The following COL9A3 variants were observed in gnomAD, a reference collection of about 807,000 sequenced individuals.
COL9A3 encodes the protein collagen type IX alpha 3 chain, also known as collagen alpha-3(IX) chain.
Under a neutral mutation model 110.2 loss-of-function variants are expected in COL9A3, and 82 were observed. The observed-to-expected ratio is 0.74, with a 90% confidence interval of 0.62 to 0.89. The LOEUF is 0.89. Ranked by LOEUF, COL9A3 falls within the 40% of genes least tolerant of loss-of-function variation. COL9A3 has a pLI of 0.00. For synonymous variants in COL9A3, 494 were observed against 403.8 expected, an observed-to-expected ratio of 1.22 and a Z score of -2.68; for missense variants, 1,066 against 981.3, an observed-to-expected ratio of 1.09 and a Z score of -1.15.
At chr20:62,835,794 C>T in intron 26 of COL9A3, 127 bp from the exon 27 acceptor site, 1 of 933,760 alleles carries the variant, frequency 1.1e-6, no homozygotes, top group East Asian at 2.4e-5. Context: ...GAAGGAACCA[C>T]TGTCAATATT....
At chr20:62,816,943 G>C (rs1600784239), upstream of COL9A3, 22 of 503,430 alleles carry the variant, frequency 4.4e-5, 2 homozygotes, top group South Asian at 1.8e-3. Flanking sequence ...AGGTGGGCCC[G>C]GCTGAATGGG....
chr20:62,829,468 G>A lies in COL9A3; in HGVS notation c.1022G>A (p.Arg341Gln), dbSNP rs1188675315. Reference sequence around the variant, plus strand: ...CTCTCCTGGCAGGGCCTCCCTGGACGAGCGGGGTCCAAAGGCGAGAAGGGA... The same window carrying A: ...CTCTCCTGGCAGGGCCTCCCTGGACAAGCGGGGTCCAAAGGCGAGAAGGGA... ...GPNGLPGLPG[R>Q]AGSKGEKGER... Residue 341 changes from arginine (R) to glutamine (Q), a missense_variant, in exon 20 of 32, where the codon CGA becomes CAA. Coordinates refer to ENST00000649368, the MANE Select transcript of COL9A3 (RefSeq NM_001853.4). 14 of 1,612,696 alleles carry A rather than the reference G, an allele frequency of 8.7e-6. No homozygotes were observed. Among genetic ancestry groups the A allele is most frequent in the African/African-American group, 2.7e-5 (2 of 74,940 alleles).
chr20:62,837,712 C>T (rs2063647953), intron 30 of COL9A3, among the ~76,000 whole-genome samples: 2 of 152,058 alleles, frequency 1.3e-5, no homozygotes, highest in Non-Finnish European at 2.9e-5. Context: ...GAGGCTGAGG[C>T]AGGAGAATCT....
chr20:62,825,961 C>G, intron 13 of COL9A3, 91 bp downstream of exon 13: 2 of 1,410,322 alleles, frequency 1.4e-6, no homozygotes, highest in South Asian at 2.5e-5. Flanking sequence ...AGGGGGCCAG[C>G]TCCGGCTGGG....
Position 62,840,677 on chromosome 20 carries a change from G to A in COL9A3, c.2000G>A (p.Cys667Tyr). 6.2e-7 allele frequency: 1 copy of A among 1,603,516 alleles called. No homozygotes were observed. Residue 667 changes from cysteine (C) to tyrosine (Y), a missense_variant, in exon 32 of 32, where the codon TGC (cysteine) becomes TAC (tyrosine). Transcript: ENST00000649368. ...GTPGICDTSA[C>Y]QGAVLGGVGE... ...CCGGGGATCTGCGACACCTCAGCCT[G>A]CCAAGGAGCCGTGTTAGGAGGGGTC... is the stretch of plus-strand genomic sequence containing the variant.
intron 15 of COL9A3, 102 bp downstream of exon 15, chr20:62,826,922 G>A: frequency 7.5e-7 from 1 of 1,326,400 alleles, no homozygotes; most frequent in Non-Finnish European, 1.1e-6. Flanking sequence ...CCCCTCTTCT[G>A]TGGCTGAGCT....
intron 10 of COL9A3, among the ~76,000 whole-genome samples, chr20:62,823,038 A>T (rs947442276): frequency 7.0e-6 from 1 of 142,986 alleles, no homozygotes. Context: ...CATTTGCCTG[A>T]AAAGAAAACA....
At chr20:62,833,129 A>C (rs192900647) in intron 26 of COL9A3, 65 bp downstream of exon 26, 1 of 1,352,800 alleles carries the variant, frequency 7.4e-7, no homozygotes, top group Admixed American at 1.7e-5. Flanking sequence ...GTGGCTGGGG[A>C]ACAGTCCTGG....
chr20:62,818,319 G>A (rs1053472353), intron 2 of COL9A3, among the ~76,000 whole-genome samples, 199 bp from the exon 3 acceptor site: 1 of 152,230 alleles, frequency 6.6e-6, no homozygotes, highest in Admixed American at 6.5e-5. Flanking sequence ...AGTCTGTCCA[G>A]TTCACCCCTT....
At position 62,830,162 on chromosome 20, in the gene COL9A3, G is replaced by A. The variant is rs1178922437; in HGVS notation, c.1162-198G>A. The stretch of plus-strand genomic sequence containing the variant: ...GTCTGGCCTGACAAATTGGGTCCAG[G>A]GTATGCCTGAGTTCTGAGACCCCCT... On this transcript the variant is annotated intron_variant, in intron 22 of 31. Coordinates refer to ENST00000649368, the MANE Select transcript of COL9A3 (RefSeq NM_001853.4). Among the ~76,000 whole-genome samples, 6 of 152,188 alleles carry A rather than the reference G, an allele frequency of 3.9e-5. No homozygotes were observed. The East Asian group carries it at 1.2e-3, about 29-fold the overall frequency.
At chr20:62,834,101 C>T (rs949418396) in intron 26 of COL9A3, among the ~76,000 whole-genome samples, 8 of 151,724 alleles carry the variant, frequency 5.3e-5, no homozygotes, top group Non-Finnish European at 1.2e-4. Context: ...CTCGAATTCC[C>T]GACCTCAGGC....
rs1219321065 is a variant in COL9A3 at position 62,826,782 on chromosome 20, C to A, written c.754C>A (p.Arg252=). The change falls in exon 15 of 32, where the codon CGA becomes AGA. Residue 252 remains arginine, a synonymous_variant. Transcript: ENST00000649368. Reference sequence around the variant, plus strand: ...TCCTCTGCAGGGTCCCATTGGGTTCCGAGGGCCGCCTGGGATCCCAGGAGC... The same window carrying A: ...TCCTCTGCAGGGTCCCATTGGGTTCAGAGGGCCGCCTGGGATCCCAGGAGC... ...PPGDRGPIGF[R]GPPGIPGAPG... is the part of the protein sequence containing the mutation. 3 of 1,612,676 alleles carry A rather than the reference C, an allele frequency of 1.9e-6. No homozygotes were observed. The highest frequency in any genetic ancestry group is 1.3e-5 in the African/African-American group (1 of 74,924).
In COL9A3 at chr20:62,819,308, C is replaced by T. The variant is rs1288645161; in HGVS notation, c.255+15C>T. ...CGGGTGTGGATGTGAGTGCGCCTGCCCCTCCCCGCCATGCCCCACTCCCCG... is the reference window on the plus strand; with the variant it reads ...CGGGTGTGGATGTGAGTGCGCCTGCTCCTCCCCGCCATGCCCCACTCCCCG... On this transcript the variant is annotated intron_variant, in intron 4 of 31. Coordinates refer to ENST00000649368, the MANE Select transcript of COL9A3 (RefSeq NM_001853.4). 6.9e-6 allele frequency: 11 copies of T among 1,599,326 alleles called. No homozygotes were observed. Among genetic ancestry groups the T allele is most frequent in the East Asian group, 2.2e-5 (1 of 44,492 alleles).
intron 10 of COL9A3, among the ~76,000 whole-genome samples, chr20:62,823,117 G>A (rs2063524170): frequency 6.6e-6 from 1 of 152,196 alleles, no homozygotes; most frequent in Admixed American, 6.5e-5. Context: ...CAGGAGGATC[G>A]CTTAAGCTCA....
At chr20:62,816,217 C>T (rs1021963923), upstream of COL9A3, 1 of 152,242 alleles carries the variant, frequency 6.6e-6, no homozygotes, top group Non-Finnish European at 1.5e-5. Flanking sequence ...AGCTTTGAGT[C>T]CCCTAGGGCA....
At chr20:62,821,103 C>T (rs945237256) in intron 5 of COL9A3, 78 bp from the exon 6 acceptor site, 12 of 1,436,854 alleles carry the variant, frequency 8.4e-6, no homozygotes, top group African/African-American at 2.8e-5. Flanking sequence ...GGAGTTGTGA[C>T]GTCACACTTC....
intron 26 of COL9A3, among the ~76,000 whole-genome samples, chr20:62,833,855 G>A (rs1261229618): frequency 1.3e-5 from 2 of 149,870 alleles, no homozygotes; most frequent in East Asian, 2.0e-4. Context: ...TCCCACAGTC[G>A]ACTAATTTTT....
At chr20:62,826,948 T>C (rs751285047) in intron 15 of COL9A3, 128 bp downstream of exon 15, 14 of 1,034,760 alleles carry the variant, frequency 1.4e-5, no homozygotes, top group Non-Finnish European at 1.9e-5. Context: ...CTGGACACCC[T>C]GGGAGGGCTT....
Position 62,824,472 on chromosome 20 carries a change from C to A in COL9A3, c.547C>A (p.Pro183Thr). The part of the protein sequence containing the change: ...QCPSICPPGP[P>T]GPPGMPGFKG... ...CCCAAGTATCTGCCCGCCAGGTCCC[C>A]CAGGGCCCCCTGGAATGCCAGGGTT... is the stretch of plus-strand genomic sequence containing the variant. Residue 183 changes from proline (P) to threonine (T), a missense_variant, in exon 11 of 32, where the codon CCA becomes ACA. Transcript: ENST00000649368. 6.2e-7 allele frequency: 1 copy of A among 1,600,972 alleles called. No homozygotes were observed. The highest frequency in any genetic ancestry group is 8.5e-7 in the Non-Finnish European group (1 of 1,174,396).
Sources: allele counts gnomAD v4.1 joint callset (sites outside exome capture counted in the v4.1 genomes callset), GRCh38; gene constraint gnomAD v4.1.1; transcripts MANE v1.5; gene names NCBI Gene and HGNC (gene_info 2026-07-23, HGNC 2026-07-21).